PMVK: variants seen among roughly 807,000 people sequenced by gnomAD.
PMVK encodes the protein testis tissue sperm-binding protein Li 95mP.
PMVK carries 10 observed loss-of-function variants against 19.0 expected under a neutral mutation model. The ratio of observed to expected loss-of-function variants is 0.53; its 90% CI spans 0.32 to 0.89. The LOEUF (loss-of-function observed/expected upper bound fraction) is 0.89, where lower values mean the gene tolerates loss of function less well. PMVK is among the 40% of genes least tolerant of loss of function. PMVK has a pLI of 0.03. For synonymous variants in PMVK, 108 were observed against 101.6 expected, an observed-to-expected ratio of 1.06 and a Z score of -0.38; for missense variants, 222 against 251.1, an observed-to-expected ratio of 0.88 and a Z score of 0.78.
At chr1:154,926,590 C>CACA in intron 3 of PMVK, 107 bp from the exon 4 acceptor site, 1 of 880,860 alleles carries the variant, frequency 1.1e-6, no homozygotes, top group Non-Finnish European at 1.8e-6. Context: ...CTCTACCCCC[C>CACA]CATCATCGTG....
intron 1 of PMVK, among the ~76,000 whole-genome samples, chr1:154,934,029 T>G (rs946449072): frequency 2.1e-4 from 32 of 152,212 alleles, no homozygotes; most frequent in African/African-American, 7.5e-4. Flanking sequence ...AGACTGAGTC[T>G]CACTCTGTAG....
intron 3 of PMVK, among the ~76,000 whole-genome samples, chr1:154,927,790 C>T (rs773425167): frequency 6.6e-6 from 1 of 152,134 alleles, no homozygotes; most frequent in Non-Finnish European, 1.5e-5. Flanking sequence ...TCAGTTATCC[C>T]TTATTTCCTT....
In PMVK at chr1:154,929,103, C is replaced by G; in HGVS notation, c.233G>C (p.Arg78Pro). 1 of 1,614,038 alleles carries G rather than the reference C, an allele frequency of 6.2e-7. No homozygotes were observed. The highest frequency in any genetic ancestry group is 8.5e-7 in the Non-Finnish European group (1 of 1,179,856). The change falls in exon 3 of 5, where the codon CGC (arginine) becomes CCC (proline). Residue 78 changes from arginine to proline, a missense_variant. Coordinates refer to ENST00000368467, the MANE Select transcript of PMVK (RefSeq NM_006556.4). ...AGCCTGGCGTTTCTCCTCTCCCCAG[C>G]GGATCATGTCCTTCCGAAAGGCCTC... Reference protein sequence around the residue: ...YKEAFRKDMIRWGEEKRQADP... With the variant: ...YKEAFRKDMIPWGEEKRQADP...
At chr1:154,929,430 G>A (rs560619358) in intron 2 of PMVK, among the ~76,000 whole-genome samples, 2 of 152,280 alleles carry the variant, frequency 1.3e-5, no homozygotes, top group Admixed American at 6.5e-5. Flanking sequence ...AATATGTGGC[G>A]TGGTTTCTCT....
intron 2 of PMVK, 78 bp from the exon 3 acceptor site, chr1:154,929,254 C>G (rs1654265513): frequency 7.5e-7 from 1 of 1,332,254 alleles, no homozygotes; most frequent in Non-Finnish European, 1.1e-6. Context: ...AAGAGCCATC[C>G]CTCACCCTCA....
intron 3 of PMVK, among the ~76,000 whole-genome samples, chr1:154,928,772 C>A (rs1654245869): frequency 1.9e-5 from 2 of 104,790 alleles, no homozygotes; most frequent in South Asian, 5.1e-4. Context: ...GACTCCATCT[C>A]AAAAATAAAT....
At chr1:154,937,217 C>G (rs1219232330), upstream of PMVK, among the ~76,000 whole-genome samples, 1 of 152,186 alleles carries the variant, frequency 6.6e-6, no homozygotes, top group African/African-American at 2.4e-5. Flanking sequence ...AGCAAATCTG[C>G]GCGCGCCCCA....
chr1:154,936,723 T>C (rs1184046078), upstream of PMVK: 4 of 1,533,892 alleles, frequency 2.6e-6, no homozygotes, highest in South Asian at 4.7e-5. Flanking sequence ...AGCTGACACT[T>C]CTCCCTACCC....
chr1:154,935,101 T>C (rs1571385636), intron 1 of PMVK, among the ~76,000 whole-genome samples: 2 of 126,740 alleles, frequency 1.6e-5, no homozygotes, highest in East Asian at 2.2e-4. Flanking sequence ...AGGCACAGAG[T>C]GAATGACAGA....
chr1:154,932,507 C>A (rs1654370359), intron 1 of PMVK, 92 bp from the exon 2 acceptor site: 1 of 740,710 alleles, frequency 1.4e-6, no homozygotes. Context: ...GTGTTGAAGT[C>A]CCATTTCTAC....
chr1:154,939,389 A>G (rs954050366), upstream of PMVK, among the ~76,000 whole-genome samples: 9 of 152,134 alleles, frequency 5.9e-5, no homozygotes, highest in African/African-American at 1.9e-4. Flanking sequence ...AACCCAGGGG[A>G]AAAAAGTTAA....
At chr1:154,927,933 T>C (rs1654217378) in intron 3 of PMVK, among the ~76,000 whole-genome samples, 1 of 152,154 alleles carries the variant, frequency 6.6e-6, no homozygotes, top group Admixed American at 6.5e-5. Context: ...CACTGCCTGA[T>C]ATATTCTGTA....
At chr1:154,940,372 G>A (rs771465260), upstream of PMVK, among the ~76,000 whole-genome samples, 3 of 152,206 alleles carry the variant, frequency 2.0e-5, no homozygotes, top group Non-Finnish European at 4.4e-5. Context: ...CCATGCTGGT[G>A]AGAACTCCTG....
intron 3 of PMVK, among the ~76,000 whole-genome samples, chr1:154,928,636 G>A (rs984727666): frequency 6.6e-6 from 1 of 152,086 alleles, no homozygotes; most frequent in Non-Finnish European, 1.5e-5. Flanking sequence ...GCCAGGCGTG[G>A]TGGTGGACAC....
At chr1:154,942,035 T>C in the PMVK span, among the ~76,000 whole-genome samples, 10 of 151,942 alleles carry the variant, frequency 6.6e-5, no homozygotes, top group Non-Finnish European at 1.2e-4. Context: ...CCAAAGGAAA[T>C]AGAATTTTTC....
chr1:154,930,922 CA>C (rs933813335), intron 2 of PMVK, among the ~76,000 whole-genome samples: 4 of 151,128 alleles, frequency 2.6e-5, no homozygotes, highest in Admixed American at 6.6e-5. Flanking sequence ...CCCATCTCTA[CA>C]AAAAAAAATT....
rs151189413 is a variant in PMVK at position 154,935,312 on chromosome 1, T to C, written c.95+1279A>G. On this transcript the variant is annotated intron_variant, in intron 1 of 4. Coordinates refer to ENST00000368467, the MANE Select transcript of PMVK (RefSeq NM_006556.4). Reference sequence around the variant, plus strand: ...TGCTCTGGGCTCTCCCACACCTTCATAGAACCCCCGTGGTACCCAAAAGCA... The same window carrying C: ...TGCTCTGGGCTCTCCCACACCTTCACAGAACCCCCGTGGTACCCAAAAGCA... Among the ~76,000 whole-genome samples the C allele has an allele frequency of 7.2e-5, 11 of 152,164 alleles. No individual in the cohort carries two copies. The East Asian group carries it at 1.4e-3, about 19-fold the overall frequency.
chr1:154,926,472 G>A lies in PMVK; in HGVS notation c.324C>T (p.Asp108=), dbSNP rs1654165279. ...GISQPIWLVS[D]TRRVSDIQWF... ...ACTGGATGTCAGACACTCTCCGTGT[G>A]TCACTCACCAGCTGCAGGAGAGGGA... Residue 108 remains aspartate (D), a synonymous_variant, in exon 4 of 5, where the codon GAC becomes GAT. Transcript: ENST00000368467. 3 of 1,613,600 alleles carry A rather than the reference G, an allele frequency of 1.9e-6. No homozygotes were observed. The highest frequency in any genetic ancestry group is 2.5e-6 in the Non-Finnish European group (3 of 1,179,804).
intron 1 of PMVK, 26 bp downstream of exon 1, chr1:154,936,565 T>G (rs1654510074): frequency 1.3e-6 from 2 of 1,578,792 alleles, no homozygotes; most frequent in African/African-American, 1.3e-5. Flanking sequence ...GAGCTCCCCC[T>G]TCCACCTTTC....
Sources: allele counts gnomAD v4.1 joint callset (sites outside exome capture counted in the v4.1 genomes callset), GRCh38; gene constraint gnomAD v4.1.1; transcripts MANE v1.5; gene names NCBI Gene and HGNC (gene_info 2026-07-23, HGNC 2026-07-21).